Variants in DSTYK observed in about 807,000 individuals in gnomAD.
The protein encoded by DSTYK is RIP-homologous kinase.
A neutral mutation model predicts 98.7 loss-of-function variants in DSTYK; 34 were observed. The observed-to-expected ratio is 0.34, with a 90% CI of 0.26 to 0.46. The LOEUF (loss-of-function observed/expected upper bound fraction) is 0.46, where lower values mean the gene tolerates loss of function less well. Among genes scored for constraint, DSTYK ranks in the 20% least tolerant of loss-of-function variants. DSTYK has a pLI of 1.00. For missense variants in DSTYK, 962 were observed against 1,181.7 expected (o/e 0.81, Z 2.73); for synonymous variants, 462 against 457.3 (o/e 1.01, Z -0.13).
chr1:205,169,621 A>G lies in DSTYK; in HGVS notation c.866T>C (p.Ile289Thr), dbSNP rs1657993800. 1 of 1,614,188 alleles carries G rather than the reference A, an allele frequency of 6.2e-7. No homozygotes were observed. The highest frequency in any genetic ancestry group is 8.5e-7 in the Non-Finnish European group (1 of 1,180,044). The change falls in exon 3 of 13, where the codon ATA becomes ACA. Residue 289 changes from isoleucine to threonine, a missense_variant. This residue lies in a region of DSTYK where 660 missense variants were observed against 855.0 expected (regional missense o/e 0.77). Coordinates refer to ENST00000367162, the MANE Select transcript of DSTYK (RefSeq NM_015375.3). This position sits in a 1 kb window ranked among gnomAD's most constrained non-coding sequence, Gnocchi z 4.0. ...FKVPKLGSEI[I>T]DSSTRRMESE... ...CTCCATTCTCCTGGTTGAGGAGTCT[A>G]TTATCTCCGAGCCCAGTTTCGGCAC...
intron 6 of DSTYK, among the ~76,000 whole-genome samples, 154 bp downstream of exon 6, chr1:205,161,882 A>G (rs901546134): frequency 1.3e-5 from 2 of 149,330 alleles, no homozygotes; most frequent in South Asian, 2.1e-4. Flanking sequence ...TTTAATATAC[A>G]TATGTGTGTG....
rs1370240198 is a variant in DSTYK, at chr1:205,211,656, A to G, written c.-121T>C. 2 of 1,335,072 alleles carry G rather than the reference A, an allele frequency of 1.5e-6. No homozygotes were observed. Among genetic ancestry groups the G allele is most frequent in the Admixed American group, 3.3e-5 (1 of 30,442 alleles). The allele number at this position is 1,335,072 out of a possible 1,614,324, so 82.7% of individuals were successfully genotyped here. ...CCTCCTGACGCCCCCGCCTGCAGTC[A>G]GCCTGGCTCCCAACCTCCGTCACTG... is the stretch of plus-strand genomic sequence containing the variant. On this transcript the variant is annotated 5_prime_UTR_variant, in exon 1 of 13. Transcript: ENST00000367162.
At chr1:205,177,726 G>A (rs1350934223) in intron 2 of DSTYK, among the ~76,000 whole-genome samples, 2 of 152,050 alleles carry the variant, frequency 1.3e-5, no homozygotes, top group African/African-American at 4.8e-5. Context: ...AATTAGCCAG[G>A]CATGGTGGCA....
chr1:205,179,198 A>G (rs1397085988), intron 2 of DSTYK, among the ~76,000 whole-genome samples: 2 of 152,112 alleles, frequency 1.3e-5, no homozygotes, highest in African/African-American at 4.8e-5. Context: ...CAGCTAAGTG[A>G]CAAAACCAGG....
At chr1:205,181,653 G>GTGTGT (rs1658400187) in intron 2 of DSTYK, among the ~76,000 whole-genome samples, 4 of 83,962 alleles carry the variant, frequency 4.8e-5, no homozygotes, top group Non-Finnish European at 6.2e-5. Flanking sequence ...CAGATGTTGG[G>GTGTGT]GTTTGTGTGT....
At chr1:205,154,314 TG>T (rs1464323509) in intron 10 of DSTYK, among the ~76,000 whole-genome samples, 1 of 152,214 alleles carries the variant, frequency 6.6e-6, no homozygotes, top group Non-Finnish European at 1.5e-5. Flanking sequence ...TACTACTTTC[TG>T]ATATGATTTG....
intron 2 of DSTYK, among the ~76,000 whole-genome samples, chr1:205,184,273 TA>T (rs1036900514): frequency 0.011 from 1,591 of 145,654 alleles, 23 homozygotes; most frequent in African/African-American, 0.038. Flanking sequence ...CATTAGAAAT[TA>T]AAAAAAAAAA....
chr1:205,202,711 C>T, intron 1 of DSTYK: 1 of 872,990 alleles, frequency 1.1e-6, no homozygotes, highest in Non-Finnish European at 1.9e-6. Context: ...CCAGAAGAAA[C>T]TGAAGAAACA....
rs1333895616 is a variant in DSTYK, at chr1:205,146,943, G to A, written c.*615C>T. The stretch of plus-strand genomic sequence containing the variant: ...AGTGAAACCCTCCCCCAGAAACCAG[G>A]GATATGTGGTCCTATAAATGTAAAC... On this transcript the variant is annotated 3_prime_UTR_variant, in exon 13 of 13. Coordinates refer to ENST00000367162, the MANE Select transcript of DSTYK (RefSeq NM_015375.3). 6.6e-6 allele frequency: 1 copy of A among 152,078 alleles called. No homozygotes were observed. The highest frequency in any genetic ancestry group is 1.5e-5 in the Non-Finnish European group (1 of 67,982). The allele number at this position is 152,078 out of a possible 1,614,324, so 9.4% of individuals were successfully genotyped here. A position where few individuals can be genotyped will look rare whatever the true frequency, so the allele number is the denominator to read the frequency against.
At chr1:205,189,932 C>A (rs1343515697) in intron 1 of DSTYK, among the ~76,000 whole-genome samples, 2 of 152,192 alleles carry the variant, frequency 1.3e-5, no homozygotes, top group African/African-American at 4.8e-5. Flanking sequence ...CACCAGACCA[C>A]TAGTCTACTC....
chr1:205,170,844 T>C (rs1658039406), intron 2 of DSTYK, among the ~76,000 whole-genome samples: 1 of 152,060 alleles, frequency 6.6e-6, no homozygotes, highest in African/African-American at 2.4e-5. Flanking sequence ...TCCTTCTTCC[T>C]GCTTGGAGCA....
intron 1 of DSTYK, among the ~76,000 whole-genome samples, chr1:205,198,264 GT>G (rs1480200417): frequency 6.6e-6 from 1 of 152,154 alleles, no homozygotes; most frequent in Non-Finnish European, 1.5e-5. Flanking sequence ...ACTGCCTGTA[GT>G]GGCCCCTTAT....
At chr1:205,183,321 G>C (rs1658474749) in intron 2 of DSTYK, among the ~76,000 whole-genome samples, 1 of 152,156 alleles carries the variant, frequency 6.6e-6, no homozygotes, top group African/African-American at 2.4e-5. Context: ...AACACTAAAT[G>C]AGGTTTCAGA....
chr1:205,167,882 C>T (rs1164552179), intron 3 of DSTYK, among the ~76,000 whole-genome samples: 1 of 152,102 alleles, frequency 6.6e-6, no homozygotes, highest in Admixed American at 6.5e-5. Flanking sequence ...GAGGCCGAGG[C>T]GGGTAGATTA....
chr1:205,199,837 C>T (rs907522040), intron 1 of DSTYK, among the ~76,000 whole-genome samples: 1 of 152,184 alleles, frequency 6.6e-6, no homozygotes, highest in Non-Finnish European at 1.5e-5. Flanking sequence ...AAAAAAACCA[C>T]ATCCACCCAT....
intron 1 of DSTYK, among the ~76,000 whole-genome samples, chr1:205,203,815 T>C (rs1659121596): frequency 6.7e-6 from 1 of 148,260 alleles, no homozygotes; most frequent in African/African-American, 2.5e-5. Flanking sequence ...ACTTGGGAGG[T>C]TGAGACAGGA....
intron 1 of DSTYK, chr1:205,202,881 T>C: frequency 3.0e-6 from 1 of 335,484 alleles, no homozygotes; most frequent in Non-Finnish European, 5.5e-6. Flanking sequence ...TATTCCCCTT[T>C]ATTTCTGTAA....
chr1:205,162,063 G>C lies in DSTYK; in HGVS notation c.1791C>G (p.His597Gln). The C allele has an allele frequency of 6.2e-7, 1 of 1,613,972 alleles. No individual in the cohort carries two copies. ...GCCGCAAGGAGGCTGCAAAAGCCTC[G>C]TGGGAACTATTGAGCCGAGTCCGGA... The part of the protein sequence containing the change: ...SQFRTRLNSS[H>Q]EAFAASLRQL... Residue 597 changes from histidine to glutamine, a missense_variant, in exon 6 of 13, where the codon CAC becomes CAG. By Grantham distance (24) the His-to-Gln change is conservative. This residue lies in a region of DSTYK where 660 missense variants were observed against 855.0 expected (regional missense o/e 0.77). Coordinates refer to ENST00000367162, the MANE Select transcript of DSTYK (RefSeq NM_015375.3).
intron 11 of DSTYK, among the ~76,000 whole-genome samples, 189 bp from the exon 12 acceptor site, chr1:205,148,528 T>C (rs544835132): frequency 3.9e-5 from 6 of 152,132 alleles, no homozygotes; most frequent in African/African-American, 1.4e-4. Context: ...AACTAAGACA[T>C]TGGGAGGTCA....
Sources: gnomAD v4.1 joint callset for allele counts (sites outside exome capture counted in the v4.1 genomes callset) on GRCh38, gnomAD v4.1.1 for gene constraint, gnomAD v4.1.1 regional missense constraint, Gnocchi (gnomAD v3.1) non-coding constraint, MANE v1.5 for transcripts, NCBI Gene and HGNC (gene_info 2026-07-23, HGNC 2026-07-21) for gene names.